Variants in MYO1F observed in about 807,000 individuals in gnomAD.
The protein encoded by MYO1F is myosin IF.
Under a neutral mutation model 146.6 loss-of-function variants are expected in MYO1F, and 60 were observed. That is an observed-to-expected ratio of 0.41 (90% CI 0.33 to 0.51). MYO1F has a LOEUF of 0.51. MYO1F is among the 20% of genes least tolerant of loss of function. MYO1F has a pLI of 0.25. For synonymous variants in MYO1F, 602 were observed against 602.1 expected (o/e 1.00, Z 0.00); for missense variants, 1,274 against 1,534.3 (o/e 0.83, Z 2.83).
intron 1 of MYO1F, among the ~76,000 whole-genome samples, chr19:8,572,421 C>G (rs569520285): frequency 7.2e-5 from 11 of 152,226 alleles, no homozygotes; most frequent in Non-Finnish European, 1.5e-4. Flanking sequence ...GCACATGCCA[C>G]CCCGCTTGGC....
chr19:8,543,654 CTGGTGGTGGTGGTGGTGGTGCTGGTGG>C (rs1973079801), intron 14 of MYO1F, among the ~76,000 whole-genome samples: 2 of 87,532 alleles, frequency 2.3e-5, no homozygotes, highest in East Asian at 3.7e-4. Context: ...GGTGGTGGTG[CTGGTGGTGGTGGTGGTGGTGCTGGTGG>C]TGGTGGTGGT....
At chr19:8,543,521 C>T (rs1973068954) in intron 14 of MYO1F, among the ~76,000 whole-genome samples, 1 of 151,836 alleles carries the variant, frequency 6.6e-6, no homozygotes, top group Non-Finnish European at 1.5e-5. Flanking sequence ...AGTCTGGTAC[C>T]CAAGCTGGTG....
chr19:8,535,553 C>T (rs1413758058), intron 19 of MYO1F, among the ~76,000 whole-genome samples: 2 of 152,048 alleles, frequency 1.3e-5, no homozygotes, highest in Non-Finnish European at 2.9e-5. Flanking sequence ...TACAGGCATG[C>T]GCTACCACAC....
chr19:8,525,798 C>T (rs1395654756), intron 24 of MYO1F, among the ~76,000 whole-genome samples: 1 of 152,208 alleles, frequency 6.6e-6, no homozygotes, highest in Admixed American at 6.5e-5. Context: ...ACTCCTTCAT[C>T]ACTACCCAGT....
Position 8,553,923 on chromosome 19 carries a change from C to T in MYO1F, c.327-486G>A, listed in dbSNP as rs1384393681. On this transcript the variant is annotated intron_variant, in intron 4 of 27. Coordinates refer to ENST00000644032, the MANE Select transcript of MYO1F (RefSeq NM_012335.4). The stretch of plus-strand genomic sequence containing the variant: ...TCTCTCTCTCTCTCTCTCTCTCTCT[C>T]GCTCTCTTTCTCTCTCTCTGCTCTC... Among the ~76,000 whole-genome samples, 5 of 149,748 alleles carry T rather than the reference C, an allele frequency of 3.3e-5. No individual in the cohort carries two copies. The East Asian group carries it at 9.8e-4, about 29-fold the overall frequency.
chr19:8,568,161 C>A (rs976263394), intron 1 of MYO1F, among the ~76,000 whole-genome samples: 8 of 152,136 alleles, frequency 5.3e-5, no homozygotes, highest in African/African-American at 1.9e-4. Context: ...CGGTGGCTCA[C>A]ACCTGTGATC....
rs530875155 is a variant in MYO1F, at chr19:8,553,894, A to ACTCTCTCTCTCT, written c.327-469_327-458dup. 3.0e-3 allele frequency among the ~76,000 whole-genome samples: 311 copies of ACTCTCTCTCTCT among 102,584 alleles called. 2 individuals carry two copies. Among genetic ancestry groups the ACTCTCTCTCTCT allele is most frequent in the East Asian group, 6.9e-3 (22 of 3,208 alleles). 67.3% of individuals were successfully genotyped at this position (102,584 alleles called of 152,430 possible). A position where few individuals can be genotyped will look rare whatever the true frequency, so the allele number is the denominator to read the frequency against. ...CACACACACACACACACACACACAC[A>ACTCTCTCTCTCT]CTCTCTCTCTCTCTCTCTCTCTCTC... On this transcript the variant is annotated intron_variant, in intron 4 of 27. Transcript: ENST00000644032.
intron 4 of MYO1F, 21 bp downstream of exon 4, chr19:8,554,456 G>GC (rs755846940): frequency 1.3e-6 from 2 of 1,583,512 alleles, no homozygotes; most frequent in Non-Finnish European, 1.7e-6. Context: ...AGGGTCTGTG[G>GC]CCCCCCAACT....
chr19:8,560,473 G>A (rs1428045352), intron 1 of MYO1F, among the ~76,000 whole-genome samples: 1 of 145,778 alleles, frequency 6.9e-6, no homozygotes, highest in Non-Finnish European at 1.5e-5. Context: ...CAAACATAGC[G>A]AGACTTGGTC....
At chr19:8,535,972 C>T (rs959318815) in intron 19 of MYO1F, among the ~76,000 whole-genome samples, 4 of 152,134 alleles carry the variant, frequency 2.6e-5, no homozygotes, top group African/African-American at 7.2e-5. Context: ...TGAGCCACCG[C>T]GCCCGGCAGT....
chr19:8,562,870 C>A (rs1021052681), intron 1 of MYO1F, among the ~76,000 whole-genome samples: 2 of 152,164 alleles, frequency 1.3e-5, no homozygotes, highest in African/African-American at 2.4e-5. Context: ...CGTTGAAAGT[C>A]ATGCCGGTGG....
Position 8,527,441 on chromosome 19 carries a change from C to T in MYO1F, c.2371G>A (p.Val791Met), listed in dbSNP as rs1260298546. ...TTCTTCACTTTCTCTCGCCCAATCA[C>T]ATACACACACTTGGGCGTCAGGATC... Reference protein sequence around the residue: ...DLILTPKCVYVIGREKVKKGP... With the variant: ...DLILTPKCVYMIGREKVKKGP... Residue 791 changes from valine to methionine, a missense_variant, in exon 22 of 28, where the codon GTG (valine) becomes ATG (methionine). Transcript: ENST00000644032. 6.2e-7 allele frequency: 1 copy of T among 1,613,966 alleles called. No homozygotes were observed. The highest frequency in any genetic ancestry group is 8.5e-7 in the Non-Finnish European group (1 of 1,180,000).
intron 1 of MYO1F, among the ~76,000 whole-genome samples, chr19:8,564,777 TTTG>T (rs1568372163): frequency 1.3e-5 from 2 of 151,320 alleles, no homozygotes; most frequent in African/African-American, 2.4e-5. Context: ...CTGTTTTTTT[TTTG>T]TTGTTGTTTT....
Position 8,545,753 on chromosome 19 carries a change from G to A in MYO1F, c.1270-17C>T, listed in dbSNP as rs559098832. The A allele has an allele frequency of 1.6e-5, 25 of 1,597,338 alleles. No homozygotes were observed. The highest frequency in any genetic ancestry group is 1.7e-4 in the Middle Eastern group (1 of 6,036). On this transcript the variant is annotated splice_polypyrimidine_tract_variant and intron_variant, in intron 12 of 27. Coordinates refer to ENST00000644032, the MANE Select transcript of MYO1F (RefSeq NM_012335.4). Reference sequence around the variant, plus strand: ...ATACTCCTCCTGGGGTGGAAAAGGGGGTGGATGTGGGGGCCAGTGAAAAAG... The same window carrying A: ...ATACTCCTCCTGGGGTGGAAAAGGGAGTGGATGTGGGGGCCAGTGAAAAAG...
rs913947037 is a variant in MYO1F at position 8,554,482 on chromosome 19, G to A, written c.321C>T (p.Ile107=). 4 of 1,607,920 alleles carry A rather than the reference G, an allele frequency of 2.5e-6. No individual in the cohort carries two copies. The highest frequency in any genetic ancestry group is 3.4e-6 in the Non-Finnish European group (4 of 1,175,104). The change falls in exon 4 of 28, where the codon ATC becomes ATT. Residue 107 remains isoleucine, a synonymous_variant. Coordinates refer to ENST00000644032, the MANE Select transcript of MYO1F (RefSeq NM_012335.4). ...CCCCCCAACTCTGTCCATACCTAAT[G>A]ATGACACACTGGTTCTCACAGTCGA... The part of the protein sequence containing the change: ...MLIDCENQCV[I]ISGESGAGKT...
Position 8,530,852 on chromosome 19 carries a change from C to T in MYO1F, c.2044-279G>A, listed in dbSNP as rs796597810. On this transcript the variant is annotated intron_variant, in intron 19 of 27. Transcript: ENST00000644032. This position sits in a 1 kb window ranked among gnomAD's most constrained non-coding sequence, Gnocchi z 5.8. The stretch of plus-strand genomic sequence containing the variant: ...GTCAGGAGTTTGAGACGAGCCTGAC[C>T]GACATAGTGAAACCCCATCTCTACT... 3.9e-5 allele frequency among the ~76,000 whole-genome samples: 6 copies of T among 152,098 alleles called. No homozygotes were observed. The highest frequency in any genetic ancestry group is 7.2e-5 in the African/African-American group (3 of 41,426).
At chr19:8,575,859 T>C (rs150501039) in intron 1 of MYO1F, among the ~76,000 whole-genome samples, 1 of 152,320 alleles carries the variant, frequency 6.6e-6, no homozygotes, top group African/African-American at 2.4e-5. Context: ...TCACTTCCTG[T>C]GTTCTTTTGA....
chr19:8,545,424 C>T (rs915093609), intron 13 of MYO1F: 40 of 551,716 alleles, frequency 7.3e-5, no homozygotes, highest in South Asian at 6.0e-4. Context: ...CTGGGGTTCC[C>T]GGGGAAATGT....
At chr19:8,521,650 G>C in intron 27 of MYO1F, 46 bp from the exon 28 acceptor site, 1 of 1,574,102 alleles carries the variant, frequency 6.4e-7, no homozygotes, top group Non-Finnish European at 8.7e-7. Flanking sequence ...TGGCCCTGGA[G>C]AAAGCTCTCA....
Sources: gnomAD v4.1 joint callset for allele counts (sites outside exome capture counted in the v4.1 genomes callset) on GRCh38, gnomAD v4.1.1 for gene constraint, Gnocchi (gnomAD v3.1) non-coding constraint, MANE v1.5 for transcripts, NCBI Gene and HGNC (gene_info 2026-07-23, HGNC 2026-07-21) for gene names.